Variants in LRP1B observed in about 807,000 individuals in gnomAD.
LRP1B encodes LDL receptor related protein 1B.
LRP1B carries 217 observed loss-of-function variants against 556.6 expected under a neutral mutation model. The ratio of observed to expected loss-of-function variants is 0.39; its 90% CI spans 0.35 to 0.44. LRP1B has a LOEUF of 0.44. Ranked by LOEUF, LRP1B falls within the 20% of genes least tolerant of loss-of-function variation. LRP1B has a pLI of 1.00. For missense variants in LRP1B, 5,053 were observed against 5,620.8 expected (o/e 0.90, Z 3.23); for synonymous variants, 2,047 against 1,865.8 (o/e 1.10, Z -2.50).
chr2:140,715,097 C>G (rs368265677), intron 37 of LRP1B, among the ~76,000 whole-genome samples: 10 of 151,700 alleles, frequency 6.6e-5, no homozygotes, highest in Non-Finnish European at 1.3e-4. Context: ...AAGAGAAGAC[C>G]AACAGAGATT....
chr2:141,822,206 A>G (rs2105731777), intron 1 of LRP1B, among the ~76,000 whole-genome samples: 1 of 151,896 alleles, frequency 6.6e-6, no homozygotes, highest in Non-Finnish European at 1.5e-5. Context: ...AAGGATATAT[A>G]TTCAGTGGAA....
At chr2:141,019,802 A>G (rs1279047783) in intron 12 of LRP1B, 120 bp downstream of exon 12, 7 of 689,282 alleles carry the variant, frequency 1.0e-5, no homozygotes, top group African/African-American at 9.1e-5. Context: ...ACCCACTAAG[A>G]CCATTTGTGT....
At chr2:142,004,840 A>G (rs1388170769) in intron 1 of LRP1B, among the ~76,000 whole-genome samples, 1 of 152,032 alleles carries the variant, frequency 6.6e-6, no homozygotes, top group Non-Finnish European at 1.5e-5. Context: ...CGACAGAGCA[A>G]GACTCCATCT....
chr2:140,581,335 C>T (rs2105136893), intron 43 of LRP1B, among the ~76,000 whole-genome samples: 1 of 152,294 alleles, frequency 6.6e-6, no homozygotes, highest in Non-Finnish European at 1.5e-5. Context: ...TCAAGGTCCT[C>T]ATTTAACTAT....
intron 1 of LRP1B, among the ~76,000 whole-genome samples, chr2:141,832,497 G>A (rs1240109767): frequency 6.6e-6 from 1 of 151,438 alleles, no homozygotes; most frequent in Non-Finnish European, 1.5e-5. Context: ...GTCTTTAGGC[G>A]AGCTCGAAAA....
chr2:141,208,595 G>A (rs551784841), intron 6 of LRP1B, among the ~76,000 whole-genome samples: 16 of 151,390 alleles, frequency 1.1e-4, no homozygotes, highest in East Asian at 7.9e-4. Flanking sequence ...GGCTGGGCGC[G>A]GGGGGCTCAC....
chr2:142,034,462 T>C (rs889172400), intron 1 of LRP1B, among the ~76,000 whole-genome samples: 4 of 151,724 alleles, frequency 2.6e-5, no homozygotes, highest in African/African-American at 9.7e-5. Context: ...ATGCCTTTTT[T>C]TTCTTACTAA....
At chr2:140,916,962 C>T (rs1285848499) in intron 21 of LRP1B, among the ~76,000 whole-genome samples, 1 of 152,132 alleles carries the variant, frequency 6.6e-6, no homozygotes. Context: ...TAATGACTTC[C>T]AAATCTGCAA....
intron 1 of LRP1B, among the ~76,000 whole-genome samples, chr2:142,008,031 T>C (rs1702850802): frequency 6.6e-6 from 1 of 152,190 alleles, no homozygotes; most frequent in South Asian, 2.1e-4. Flanking sequence ...ATGGTCCAGT[T>C]AGCCAAACCA....
At chr2:141,563,793 G>A (rs1686241727) in intron 2 of LRP1B, among the ~76,000 whole-genome samples, 1 of 152,008 alleles carries the variant, frequency 6.6e-6, no homozygotes, top group African/African-American at 2.4e-5. Flanking sequence ...AATACAGTAT[G>A]TTCTCACTTA....
intron 3 of LRP1B, among the ~76,000 whole-genome samples, chr2:141,474,482 A>C (rs1257439279): frequency 6.6e-6 from 1 of 152,184 alleles, no homozygotes; most frequent in Non-Finnish European, 1.5e-5. Flanking sequence ...CAGCTACATA[A>C]ATTTTTAATT....
chr2:141,417,333 C>A (rs1573922268), intron 3 of LRP1B, among the ~76,000 whole-genome samples: 2 of 152,142 alleles, frequency 1.3e-5, no homozygotes, highest in African/African-American at 4.8e-5. Context: ...ATCTCTAAAA[C>A]TGTTTCTTCT....
chr2:142,083,754 A>G (rs1705805276), intron 1 of LRP1B, among the ~76,000 whole-genome samples: 1 of 152,194 alleles, frequency 6.6e-6, no homozygotes. Context: ...GTTTTGCTAG[A>G]CTGTACATTA....
chr2:141,064,052 T>C (rs893187486), intron 7 of LRP1B, among the ~76,000 whole-genome samples: 12 of 151,850 alleles, frequency 7.9e-5, no homozygotes, highest in African/African-American at 1.2e-4. Context: ...TGAGATCCCC[T>C]GACCCCTGAC....
At chr2:141,725,117 T>C (rs1026742545) in intron 2 of LRP1B, among the ~76,000 whole-genome samples, 2 of 151,898 alleles carry the variant, frequency 1.3e-5, no homozygotes, top group African/African-American at 2.4e-5. Context: ...AAGTTAAATA[T>C]ATGTAATTGG....
chr2:141,031,266 CACACACACACACACAT>C (rs1266889392), intron 11 of LRP1B, among the ~76,000 whole-genome samples: 4 of 90,686 alleles, frequency 4.4e-5, no homozygotes, highest in African/African-American at 7.5e-5. Flanking sequence ...CACACACACA[CACACACACACACACAT>C]ACATACATAT....
chr2:140,977,738 T>A lies in LRP1B; in HGVS notation c.2887+4422A>T, dbSNP rs572973366. Among the ~76,000 whole-genome samples the A allele has an allele frequency of 7.9e-5, 12 of 152,298 alleles. No individual in the cohort carries two copies. In the South Asian group the frequency reaches 2.5e-3, roughly 32 times the overall value. ...GAAATGGGGCCCAGCACTCTGTTTT[T>A]TAACAAGCTCCTCAAAAGACTGTAT... On this transcript the variant is annotated intron_variant, in intron 18 of 90. Transcript: ENST00000389484.
intron 60 of LRP1B, among the ~76,000 whole-genome samples, chr2:140,460,507 A>C (rs1481071202): frequency 6.6e-6 from 1 of 152,184 alleles, no homozygotes; most frequent in Non-Finnish European, 1.5e-5. Flanking sequence ...GATGATGACT[A>C]TCATTTTTAA....
In LRP1B at chr2:141,076,798, A is replaced by G. The variant is rs985855837; in HGVS notation, c.1014-14525T>C. 2.6e-5 allele frequency among the ~76,000 whole-genome samples: 4 copies of G among 152,236 alleles called. No homozygotes were observed. In the East Asian group the frequency reaches 7.7e-4, roughly 29 times the overall value. ...CACCTGGCCTCCACCTCTAGAGAAA[A>G]TACAAAACAAGATCATTGAGGATAA... On this transcript the variant is annotated intron_variant, in intron 7 of 90. Transcript: ENST00000389484.
Sources: gnomAD v4.1 joint callset for allele counts (sites outside exome capture counted in the v4.1 genomes callset) on GRCh38, gnomAD v4.1.1 for gene constraint, MANE v1.5 for transcripts, NCBI Gene and HGNC (gene_info 2026-07-23, HGNC 2026-07-21) for gene names.